The following DPYS variants were observed in gnomAD, a reference collection of about 807,000 sequenced individuals.
DPYS encodes dihydropyrimidine amidohydrolase.
DPYS carries 39 observed loss-of-function variants against 50.3 expected under a neutral mutation model. That is an observed-to-expected ratio of 0.78 (90% CI 0.60 to 1.01). The LOEUF is 1.01. DPYS is among the 50% of genes least tolerant of loss of function. The pLI is 0.00. For synonymous variants in DPYS, 245 were observed against 250.7 expected, an observed-to-expected ratio of 0.98 and a Z score of 0.22; for missense variants, 659 against 680.9, an observed-to-expected ratio of 0.97 and a Z score of 0.36.
intron 7 of DPYS, among the ~76,000 whole-genome samples, chr8:104,393,962 C>A (rs1811491729): frequency 6.6e-6 from 1 of 152,192 alleles, no homozygotes; most frequent in African/African-American, 2.4e-5. Context: ...CCCCTTCCCA[C>A]CCTTTCCCGC....
intron 7 of DPYS, among the ~76,000 whole-genome samples, chr8:104,399,290 C>CAAAAAAAAAAAAAAAAAAAAAAAAA: frequency 1.3e-5 from 1 of 74,924 alleles, no homozygotes; most frequent in Non-Finnish European, 2.3e-5. Context: ...GACTCCATCT[C>CAAAAAAAAAAAAAAAAAAAAAAAAA]AAAAAAAAAA....
At chr8:104,398,027 A>G (rs1343093256) in intron 7 of DPYS, among the ~76,000 whole-genome samples, 1 of 152,278 alleles carries the variant, frequency 6.6e-6, no homozygotes, top group African/African-American at 2.4e-5. Flanking sequence ...ATTGGAACAA[A>G]CGCAAGTTCA....
rs1408237885 is a variant in DPYS, at chr8:104,426,384, G to A, written c.1092+1596C>T. Among the ~76,000 whole-genome samples the A allele has an allele frequency of 6.6e-5, 10 of 152,262 alleles. 1 individual carries two copies. In the East Asian group the frequency reaches 1.9e-3, roughly 29 times the overall value. On this transcript the variant is annotated intron_variant, in intron 6 of 9. Coordinates refer to ENST00000351513, the MANE Select transcript of DPYS (RefSeq NM_001385.3). ...AGTACAGAACAAGAGTTCTTGTACT[G>A]GAGTAAAGAATACACTGTAGCAAGT...
intron 1 of DPYS, among the ~76,000 whole-genome samples, chr8:104,463,709 G>T (rs1263126708): frequency 6.6e-6 from 1 of 152,096 alleles, no homozygotes; most frequent in African/African-American, 2.4e-5. Context: ...TTACTTAAAG[G>T]TATAATAGGA....
intron 8 of DPYS, among the ~76,000 whole-genome samples, chr8:104,382,538 G>GTTT (rs11388669): frequency 2.1e-4 from 27 of 128,284 alleles, no homozygotes; most frequent in South Asian, 2.6e-4. Context: ...CTTGGTCCCT[G>GTTT]TTTTTTTTTT....
intron 7 of DPYS, among the ~76,000 whole-genome samples, chr8:104,422,531 T>G (rs1346698501): frequency 1.3e-5 from 2 of 152,210 alleles, no homozygotes; most frequent in Admixed American, 6.5e-5. Flanking sequence ...AATATTTGTC[T>G]TTCCTGGTAA....
intron 7 of DPYS, among the ~76,000 whole-genome samples, chr8:104,422,463 C>A (rs1352088571): frequency 6.6e-6 from 1 of 152,146 alleles, no homozygotes; most frequent in African/African-American, 2.4e-5. Context: ...GTTCTCATAG[C>A]AAACCTGTCA....
At chr8:104,403,964 T>A (rs1283016616) in intron 7 of DPYS, among the ~76,000 whole-genome samples, 1 of 152,168 alleles carries the variant, frequency 6.6e-6, no homozygotes, top group Admixed American at 6.5e-5. Flanking sequence ...GAAACATAAG[T>A]GCCTTTGATT....
chr8:104,384,033 C>T (rs760604354), intron 8 of DPYS, among the ~76,000 whole-genome samples: 2 of 152,248 alleles, frequency 1.3e-5, no homozygotes, highest in Non-Finnish European at 2.9e-5. Flanking sequence ...CTGGCTGGGT[C>T]TAACCTGCAC....
At chr8:104,411,520 G>A (rs542235033) in intron 7 of DPYS, among the ~76,000 whole-genome samples, 6 of 152,176 alleles carry the variant, frequency 3.9e-5, no homozygotes, top group East Asian at 3.9e-4. Flanking sequence ...GAGGGCTCAC[G>A]GGAAGAAAAT....
At chr8:104,385,152 T>C (rs1811172622) in intron 8 of DPYS, among the ~76,000 whole-genome samples, 1 of 152,208 alleles carries the variant, frequency 6.6e-6, no homozygotes, top group Non-Finnish European at 1.5e-5. Context: ...GGTGTAAAAT[T>C]GCTCAAACAC....
intron 1 of DPYS, among the ~76,000 whole-genome samples, chr8:104,462,319 G>A (rs149184328): frequency 7.2e-5 from 11 of 152,208 alleles, no homozygotes; most frequent in Non-Finnish European, 1.5e-4. Flanking sequence ...GATTTGATTT[G>A]CAACCAGGGT....
chr8:104,459,104 T>TC (rs1265019499), intron 1 of DPYS, among the ~76,000 whole-genome samples: 1 of 152,204 alleles, frequency 6.6e-6, no homozygotes, highest in African/African-American at 2.4e-5. Flanking sequence ...AAGTGTCCTT[T>TC]CTCAACTTGT....
intron 1 of DPYS, among the ~76,000 whole-genome samples, chr8:104,453,916 G>C (rs1228995906): frequency 6.6e-6 from 1 of 152,190 alleles, no homozygotes; most frequent in African/African-American, 2.4e-5. Context: ...TTGAAAATAT[G>C]ATGCTAAGTG....
chr8:104,413,338 T>C (rs567470531), intron 7 of DPYS, among the ~76,000 whole-genome samples: 1 of 151,572 alleles, frequency 6.6e-6, no homozygotes, highest in East Asian at 1.9e-4. Flanking sequence ...ATATATTATG[T>C]AAATATATAG....
chr8:104,394,354 T>A (rs62510109), intron 7 of DPYS, among the ~76,000 whole-genome samples: 8,917 of 152,186 alleles, frequency 0.059, 390 homozygotes, highest in Non-Finnish European at 0.095. Flanking sequence ...CAGACAGAAT[T>A]CTTGACTTGT....
chr8:104,443,709 A>G (rs1303341631), intron 4 of DPYS, among the ~76,000 whole-genome samples: 1 of 152,180 alleles, frequency 6.6e-6, no homozygotes, highest in Non-Finnish European at 1.5e-5. Context: ...CCTGGCCAAC[A>G]TGGTGAAACC....
chr8:104,466,849 G>A lies in DPYS; in HGVS notation c.72C>T (p.Asp24=). The A allele has an allele frequency of 6.5e-7, 1 of 1,531,690 alleles. No individual in the cohort carries two copies. Among genetic ancestry groups the A allele is most frequent in the Middle Eastern group, 1.8e-4 (1 of 5,490 alleles). 94.9% of individuals were successfully genotyped at this position (1,531,690 alleles called of 1,614,324 possible). A position where few individuals can be genotyped will look rare whatever the true frequency, so the allele number is the denominator to read the frequency against. ...GCACCACGCCGTCCTCCACCAGCAC[G>A]TCGGCCACCTCCGAGAAGTCATCGT... The part of the protein sequence containing the change: ...VVNDDFSEVA[D]VLVEDGVVRA... The change falls in exon 1 of 10, where the codon GAC becomes GAT. Residue 24 remains aspartate, a synonymous_variant. Coordinates refer to ENST00000351513, the MANE Select transcript of DPYS (RefSeq NM_001385.3).
intron 7 of DPYS, among the ~76,000 whole-genome samples, chr8:104,405,783 T>G (rs1287362643): frequency 1.3e-5 from 2 of 152,214 alleles, no homozygotes; most frequent in Non-Finnish European, 2.9e-5. Context: ...ACCTCGAAAC[T>G]GACTCAGCTT....
Sources: allele counts gnomAD v4.1 joint callset (sites outside exome capture counted in the v4.1 genomes callset), GRCh38; gene constraint gnomAD v4.1.1; transcripts MANE v1.5; gene names NCBI Gene and HGNC (gene_info 2026-07-23, HGNC 2026-07-21).